Variants in CLNK observed in about 807,000 individuals in gnomAD.
The protein encoded by CLNK is cytokine-dependent hematopoietic cell linker.
A neutral mutation model predicts 68.6 loss-of-function variants in CLNK; 74 were observed. The observed-to-expected ratio is 1.08, with a 90% CI of 0.89 to 1.31. The LOEUF (loss-of-function observed/expected upper bound fraction) is 1.31. CLNK is among the 50% of genes most tolerant of loss of function. The pLI, the probability that CLNK is intolerant of heterozygous loss-of-function variation, is 0.00. For missense variants in CLNK, 553 were observed against 515.3 expected, an observed-to-expected ratio of 1.07 and a Z score of -0.71; for synonymous variants, 198 against 172.2, an observed-to-expected ratio of 1.15 and a Z score of -1.17.
chr4:10,493,469 T>C (rs953583483), intron 18 of CLNK, among the ~76,000 whole-genome samples: 3 of 152,182 alleles, frequency 2.0e-5, no homozygotes, highest in Non-Finnish European at 4.4e-5. Context: ...TAATGCTGTG[T>C]CCTCACATGG....
chr4:10,631,959 A>G (rs1209967525), intron 2 of CLNK, among the ~76,000 whole-genome samples: 3 of 152,170 alleles, frequency 2.0e-5, no homozygotes, highest in Non-Finnish European at 4.4e-5. Context: ...CTGAAATAGA[A>G]GGCTCAAGGT....
intron 8 of CLNK, among the ~76,000 whole-genome samples, chr4:10,551,678 A>G (rs1203737345): frequency 6.6e-6 from 1 of 152,196 alleles, no homozygotes; most frequent in Non-Finnish European, 1.5e-5. Context: ...TGTTCTGTTC[A>G]GAGAGCTTAT....
the CLNK span, among the ~76,000 whole-genome samples, chr4:10,720,291 G>C: frequency 5.3e-5 from 8 of 152,012 alleles, no homozygotes; most frequent in Admixed American, 5.2e-4. Context: ...AAATTTACAA[G>C]TTTCTCTGAA....
At chr4:10,668,440 G>C (rs1180532462) in intron 1 of CLNK, among the ~76,000 whole-genome samples, 5 of 152,190 alleles carry the variant, frequency 3.3e-5, no homozygotes, top group African/African-American at 2.4e-5. Flanking sequence ...GACCCTGGGA[G>C]TATTCAGTAA....
chr4:10,655,456 G>C (rs1723939324), intron 2 of CLNK, among the ~76,000 whole-genome samples: 1 of 151,774 alleles, frequency 6.6e-6, no homozygotes, highest in Admixed American at 6.6e-5. Flanking sequence ...TGAAGTGCTA[G>C]CTGGGGAATA....
intron 15 of CLNK, among the ~76,000 whole-genome samples, chr4:10,519,801 A>T (rs897522946): frequency 3.3e-5 from 5 of 152,196 alleles, no homozygotes; most frequent in African/African-American, 1.2e-4. Flanking sequence ...TCAGTTGCCT[A>T]CTACATGGCA....
At position 10,601,664 on chromosome 4, in the gene CLNK, A is replaced by T. The variant is rs76876096; in HGVS notation, c.12-3615T>A. Among the ~76,000 whole-genome samples, 85 of 152,300 alleles carry T rather than the reference A, an allele frequency of 5.6e-4. 3 individuals carry two copies. The East Asian group carries it at 0.016, about 29-fold the overall frequency. On this transcript the variant is annotated intron_variant, in intron 2 of 18. Transcript: ENST00000226951. ...CGAAAGGAGATGCTCAAGGTTCCCAAGTTGGCTACCCCACCTGGGGAGGAC... is the reference window on the plus strand; with the variant it reads ...CGAAAGGAGATGCTCAAGGTTCCCATGTTGGCTACCCCACCTGGGGAGGAC...
the CLNK span, among the ~76,000 whole-genome samples, chr4:10,718,780 CTT>C: frequency 6.6e-6 from 1 of 151,944 alleles, no homozygotes; most frequent in African/African-American, 2.4e-5. Flanking sequence ...TTCTTGTTCT[CTT>C]GAGTCTTCAA....
chr4:10,617,312 G>A, intron 2 of CLNK, among the ~76,000 whole-genome samples: 1 of 152,088 alleles, frequency 6.6e-6, no homozygotes, highest in Non-Finnish European at 1.5e-5. Flanking sequence ...ATTGTTTATA[G>A]CTGGAGATAT....
chr4:10,538,275 A>G (rs1718879212), intron 11 of CLNK, among the ~76,000 whole-genome samples: 1 of 152,118 alleles, frequency 6.6e-6, no homozygotes, highest in Non-Finnish European at 1.5e-5. Flanking sequence ...GATTACAGAC[A>G]TACTCCACCC....
intron 8 of CLNK, among the ~76,000 whole-genome samples, chr4:10,553,172 C>T (rs1236855495): frequency 6.6e-6 from 1 of 152,102 alleles, no homozygotes; most frequent in Non-Finnish European, 1.5e-5. Flanking sequence ...ATAAACTACT[C>T]AGAATAGGAA....
intron 11 of CLNK, among the ~76,000 whole-genome samples, chr4:10,539,783 T>C (rs1718942741): frequency 6.6e-6 from 1 of 152,238 alleles, no homozygotes. Flanking sequence ...AGCATGGTTA[T>C]ATTTCTCCAG....
In CLNK at chr4:10,578,579, C is replaced by CTTTTTTTT. The variant is rs5856062; in HGVS notation, c.112+6340_112+6347dup. 1.2e-3 allele frequency among the ~76,000 whole-genome samples: 53 copies of CTTTTTTTT among 44,932 alleles called. 1 individual carries two copies. The highest frequency in any genetic ancestry group is 1.4e-3 in the Non-Finnish European group (36 of 25,384). 29.5% of individuals were successfully genotyped at this position (44,932 alleles called of 152,430 possible). ...TTCTCTTGGACTTGGCTTACCTTATCTTTTTTTTTTTTTTTTTTTTTTTTT... is the reference window on the plus strand; with the variant it reads ...TTCTCTTGGACTTGGCTTACCTTATCTTTTTTTTTTTTTTTTTTTTTTTTTTTTTTTTT... On this transcript the variant is annotated intron_variant, in intron 4 of 18. Coordinates refer to ENST00000226951, the MANE Select transcript of CLNK (RefSeq NM_052964.4).
intron 2 of CLNK, among the ~76,000 whole-genome samples, chr4:10,623,355 C>T (rs1577176157): frequency 6.6e-6 from 1 of 152,198 alleles, no homozygotes; most frequent in African/African-American, 2.4e-5. Context: ...AAGCCTCATA[C>T]ATTTCTCTTT....
At chr4:10,711,348 T>C in the CLNK span, among the ~76,000 whole-genome samples, 2 of 152,232 alleles carry the variant, frequency 1.3e-5, no homozygotes, top group South Asian at 2.1e-4. Flanking sequence ...CTTTCTAACT[T>C]GGGTCTTCAA....
chr4:10,712,080 C>T, the CLNK span, among the ~76,000 whole-genome samples: 1 of 152,170 alleles, frequency 6.6e-6, no homozygotes, highest in African/African-American at 2.4e-5. Context: ...CACCCATGTC[C>T]AAGGTATCAA....
intron 8 of CLNK, among the ~76,000 whole-genome samples, chr4:10,550,506 A>G (rs1308640279): frequency 6.6e-6 from 1 of 152,096 alleles, no homozygotes; most frequent in Non-Finnish European, 1.5e-5. Flanking sequence ...AAAAAAATAA[A>G]TAAATAAAAA....
At chr4:10,613,341 T>C (rs1722103807) in intron 2 of CLNK, among the ~76,000 whole-genome samples, 1 of 152,066 alleles carries the variant, frequency 6.6e-6, no homozygotes, top group African/African-American at 2.4e-5. Flanking sequence ...ACTGGGCACA[T>C]CAGCTGTGGG....
chr4:10,576,011 C>T (rs1004020963), intron 4 of CLNK, among the ~76,000 whole-genome samples: 5 of 152,138 alleles, frequency 3.3e-5, no homozygotes, highest in African/African-American at 7.2e-5. Context: ...AGTGGCAAGA[C>T]GTCAGGCTCC....
Sources: allele counts gnomAD v4.1 joint callset (sites outside exome capture counted in the v4.1 genomes callset), GRCh38; gene constraint gnomAD v4.1.1; transcripts MANE v1.5; gene names NCBI Gene and HGNC (gene_info 2026-07-23, HGNC 2026-07-21).